ZDHHC15: variants seen among roughly 807,000 people sequenced by gnomAD.
ZDHHC15 encodes palmitoyltransferase ZDHHC15.
In ZDHHC15, 19 loss-of-function variants were observed where a neutral mutation model predicts 31.7. The observed-to-expected ratio is 0.60, with a 90% CI of 0.42 to 0.88. The LOEUF is 0.88. Among genes scored for constraint, ZDHHC15 ranks in the 40% least tolerant of loss-of-function variants. ZDHHC15 has a pLI of 0.00. For synonymous variants in ZDHHC15, 103 were observed against 90.0 expected (o/e 1.14, Z -0.82); for missense variants, 209 against 251.2 (o/e 0.83, Z 1.14).
chrX:75,369,541 T>C lies in ZDHHC15; in HGVS notation c.*3437A>G, dbSNP rs1328781541. ...AAATCTCCATTAACCTCAATGTCTA[T>C]ACTTTGTGCAATTTGGTATAAACAT... On this transcript the variant is annotated 3_prime_UTR_variant, in exon 12 of 12. Transcript: ENST00000373367. The C allele has an allele frequency of 8.9e-6, 1 of 111,982 alleles. No individual in the cohort carries two copies. The allele number at this position is 111,982 out of a possible 1,213,427, so 9.2% of individuals were successfully genotyped here.
intron 11 of ZDHHC15, among the ~76,000 whole-genome samples, chrX:75,374,163 T>C (rs2083032976): frequency 9.2e-6 from 1 of 109,092 alleles, no homozygotes; most frequent in South Asian, 4.0e-4. Context: ...TTCTCACTCA[T>C]AAGTGGGAGT....
rs145401990 is a variant in ZDHHC15 at position 75,421,896 on chromosome X, C to G, written c.831G>C (p.Lys277Asn). The change falls in exon 9 of 12, where the codon AAG becomes AAC. Residue 277 changes from lysine (K) to asparagine (N), a missense_variant. Physicochemically the swap from Lys to Asn is moderately conservative, Grantham distance 94. Transcript: ENST00000373367. ...IKNIQQVFGD[K>N]KKFWLIPIGS... is the part of the protein sequence containing the mutation. ...CAATAGGTATTAACCAGAACTTCTT[C>G]TTATCTCCAAACACCTGCTGGATAT... The G allele has an allele frequency of 8.0e-4, 961 of 1,208,248 alleles. 1 individual carries two copies. The highest frequency in any genetic ancestry group is 1.0e-3 in the Non-Finnish European group (904 of 894,454).
intron 9 of ZDHHC15, among the ~76,000 whole-genome samples, chrX:75,421,294 T>C (rs1029958583): frequency 2.2e-5 from 2 of 91,420 alleles, no homozygotes; most frequent in Non-Finnish European, 4.2e-5. Context: ...TTTTTCTTTT[T>C]TCACTTAAAA....
rs141012302 is a variant in ZDHHC15 at position 75,465,688 on chromosome X, G to A, written c.258+13203C>T. ...TCTTTGACAAACCTGACAAAAACTAGCAATGGGGAAAGGATTCCCTATTTT... is the reference window on the plus strand; with the variant it reads ...TCTTTGACAAACCTGACAAAAACTAACAATGGGGAAAGGATTCCCTATTTT... On this transcript the variant is annotated intron_variant, in intron 3 of 11. Transcript: ENST00000373367. Among the ~76,000 whole-genome samples the A allele has an allele frequency of 7.4e-4, 82 of 111,509 alleles. 2 individuals carry two copies. The East Asian group carries it at 0.022, about 29-fold the overall frequency.
At chrX:75,398,213 G>A (rs1021235816) in intron 10 of ZDHHC15, among the ~76,000 whole-genome samples, 4 of 112,293 alleles carry the variant, frequency 3.6e-5, no homozygotes, top group African/African-American at 9.7e-5. Flanking sequence ...TGGGAGGGGC[G>A]AGCCACCATC....
intron 2 of ZDHHC15, chrX:75,501,757 TCTG>T (rs2085090797): frequency 1.2e-5 from 1 of 81,337 alleles, no homozygotes; most frequent in South Asian, 7.0e-4. Flanking sequence ...TTGAAAATTG[TCTG>T]TTCATGCCCT....
chrX:75,476,661 TAAGTA>T (rs1036198811), intron 3 of ZDHHC15, among the ~76,000 whole-genome samples: 1 of 106,329 alleles, frequency 9.4e-6, no homozygotes, highest in African/African-American at 3.4e-5. Context: ...CTTCCTAATA[TAAGTA>T]ATTTGTGCCT....
chrX:75,478,095 A>T (rs1393407017), intron 3 of ZDHHC15, among the ~76,000 whole-genome samples: 3 of 111,859 alleles, frequency 2.7e-5, no homozygotes, highest in African/African-American at 9.7e-5. Flanking sequence ...GAGTAGTTAC[A>T]CATTACAAAT....
intron 10 of ZDHHC15, 69 bp from the exon 11 acceptor site, chrX:75,379,267 G>T (rs950063442): frequency 9.0e-7 from 1 of 1,110,921 alleles, no homozygotes; most frequent in African/African-American, 1.8e-5. Flanking sequence ...TCATTCACTG[G>T]CAGTTTTCCT....
chrX:75,522,142 C>G (rs2085451704), intron 1 of ZDHHC15, among the ~76,000 whole-genome samples: 1 of 111,033 alleles, frequency 9.0e-6, no homozygotes, highest in Non-Finnish European at 1.9e-5. Context: ...ATCAGGGCCT[C>G]TCATGTGAGA....
At chrX:75,374,653 A>ATT (rs1189592781) in intron 11 of ZDHHC15, among the ~76,000 whole-genome samples, 2 of 97,635 alleles carry the variant, frequency 2.0e-5, no homozygotes, top group African/African-American at 8.5e-5. Flanking sequence ...GGAAAAGTAA[A>ATT]TTTTAGTGTG....
In ZDHHC15 at chrX:75,412,033, T is replaced by A. The variant is rs148140494; in HGVS notation, c.967+5054A>T. Among the ~76,000 whole-genome samples the A allele has an allele frequency of 1.4e-3, 161 of 111,778 alleles. 3 individuals are homozygous for A. The East Asian group carries it at 0.038, about 26-fold the overall frequency. Reference sequence around the variant, plus strand: ...CAGGTGTGTGAAAGGATGCTCAACATCACCAATCTTTATGGAAATGCAAAT... The same window carrying A: ...CAGGTGTGTGAAAGGATGCTCAACAACACCAATCTTTATGGAAATGCAAAT... On this transcript the variant is annotated intron_variant, in intron 10 of 11. Coordinates refer to ENST00000373367, the MANE Select transcript of ZDHHC15 (RefSeq NM_144969.3).
intron 3 of ZDHHC15, among the ~76,000 whole-genome samples, chrX:75,460,216 C>G (rs1014888246): frequency 6.3e-5 from 7 of 111,750 alleles, no homozygotes; most frequent in Non-Finnish European, 1.1e-4. Context: ...TTTCTCCTCA[C>G]TGGGCAGGAC....
chrX:75,463,907 C>T (rs933573663), intron 3 of ZDHHC15, among the ~76,000 whole-genome samples: 2 of 111,750 alleles, frequency 1.8e-5, no homozygotes, highest in Admixed American at 1.9e-4. Flanking sequence ...ACTAGAAATA[C>T]CATTTGACCC....
chrX:75,474,828 C>G (rs1013690015), intron 3 of ZDHHC15, among the ~76,000 whole-genome samples: 3 of 110,103 alleles, frequency 2.7e-5, no homozygotes, highest in Non-Finnish European at 5.7e-5. Context: ...GAGGCCGAGA[C>G]GGGTGGATCA....
intron 3 of ZDHHC15, among the ~76,000 whole-genome samples, chrX:75,461,197 G>T (rs2084309083): frequency 1.8e-5 from 2 of 111,920 alleles, no homozygotes; most frequent in Non-Finnish European, 3.8e-5. Flanking sequence ...CTCAGAGCTT[G>T]AAGACTATCT....
intron 4 of ZDHHC15, among the ~76,000 whole-genome samples, chrX:75,442,985 C>CAAAAAA (rs1321633891): frequency 2.3e-5 from 1 of 43,894 alleles, no homozygotes; most frequent in African/African-American, 7.6e-5. Flanking sequence ...GACTCCGTCT[C>CAAAAAA]AAAAAAAAAA....
chrX:75,448,446 G>C (rs2084063560), intron 4 of ZDHHC15, among the ~76,000 whole-genome samples: 1 of 112,159 alleles, frequency 8.9e-6, no homozygotes, highest in African/African-American at 3.2e-5. Context: ...GAATACAGTT[G>C]TGTGTGTGTA....
At chrX:75,520,729 T>A (rs1056586774) in intron 1 of ZDHHC15, among the ~76,000 whole-genome samples, 3 of 110,922 alleles carry the variant, frequency 2.7e-5, no homozygotes, top group Non-Finnish European at 3.8e-5. Context: ...ACTTAATGCA[T>A]CCCAATACTG....
Sources: gnomAD v4.1 joint callset for allele counts (sites outside exome capture counted in the v4.1 genomes callset) on GRCh38, gnomAD v4.1.1 for gene constraint, MANE v1.5 for transcripts, NCBI Gene and HGNC (gene_info 2026-07-23, HGNC 2026-07-21) for gene names.